Variants in MKLN1 observed in about 807,000 individuals in gnomAD.
MKLN1 encodes muskelin 1, also known as muskelin.
Under a neutral mutation model 99.0 loss-of-function variants are expected in MKLN1, and 18 were observed. The observed-to-expected ratio is 0.18, with a 90% CI of 0.13 to 0.27. The LOEUF is 0.27. Ranked by LOEUF, MKLN1 falls within the 10% of genes least tolerant of loss-of-function variation. MKLN1 has a pLI of 1.00. For missense variants in MKLN1, 621 were observed against 875.9 expected (o/e 0.71, Z 3.67); for synonymous variants, 288 against 293.2 (o/e 0.98, Z 0.18).
chr7:131,463,973 A>G (rs374807118), intron 13 of MKLN1, among the ~76,000 whole-genome samples: 23 of 152,354 alleles, frequency 1.5e-4, no homozygotes, highest in East Asian at 9.6e-4. Flanking sequence ...AATGACAGCA[A>G]TGTATACTGT....
chr7:131,158,206 G>A (rs1212799519), intron 2 of MKLN1, among the ~76,000 whole-genome samples: 4 of 152,212 alleles, frequency 2.6e-5, no homozygotes, highest in African/African-American at 4.8e-5. Flanking sequence ...TGGGGAGGCT[G>A]AGGCAGGCGG....
At chr7:131,267,135 C>T (rs1449971314) in intron 3 of MKLN1, among the ~76,000 whole-genome samples, 1 of 151,900 alleles carries the variant, frequency 6.6e-6, no homozygotes, top group Non-Finnish European at 1.5e-5. Context: ...GAGTTTGAGA[C>T]CAGCTTGGCC....
chr7:131,153,498 T>G (rs570007982), intron 2 of MKLN1, among the ~76,000 whole-genome samples: 24 of 152,108 alleles, frequency 1.6e-4, no homozygotes, highest in Non-Finnish European at 2.8e-4. Context: ...ATTTAAGATG[T>G]GAATATATAT....
chr7:131,485,865 A>G (rs190888629), intron 17 of MKLN1, among the ~76,000 whole-genome samples: 3 of 152,088 alleles, frequency 2.0e-5, no homozygotes, highest in Non-Finnish European at 2.9e-5. Flanking sequence ...GTGATCTTGG[A>G]TTGGATTTTA....
chr7:131,453,931 T>C (rs149178396), intron 12 of MKLN1, among the ~76,000 whole-genome samples: 4 of 152,238 alleles, frequency 2.6e-5, no homozygotes, highest in African/African-American at 9.6e-5. Flanking sequence ...CCAGTAAATT[T>C]ACACATGTAC....
chr7:131,192,259 AC>A (rs1331085805), intron 2 of MKLN1, among the ~76,000 whole-genome samples: 2,040 of 95,022 alleles, frequency 0.021, 12 homozygotes, highest in Admixed American at 0.028. Flanking sequence ...TATAATATAT[AC>A]AATATATAAA....
intron 1 of MKLN1, among the ~76,000 whole-genome samples, chr7:131,344,291 T>G (rs1799491119): frequency 6.6e-6 from 1 of 152,196 alleles, no homozygotes; most frequent in South Asian, 2.1e-4. Context: ...ATTGTTGTGT[T>G]TGTGTGAATT....
chr7:131,151,954 C>A (rs964107614), intron 2 of MKLN1, among the ~76,000 whole-genome samples: 1 of 152,010 alleles, frequency 6.6e-6, no homozygotes, highest in Non-Finnish European at 1.5e-5. Context: ...CATGTCTAGC[C>A]CATCAATATC....
At position 131,411,391 on chromosome 7, in the gene MKLN1, A is replaced by G. The variant is rs1232727549; in HGVS notation, c.781+8A>G. The G allele has an allele frequency of 2.5e-6, 4 of 1,570,610 alleles. No individual in the cohort carries two copies. The highest frequency in any genetic ancestry group is 1.3e-5 in the African/African-American group (1 of 74,150). On this transcript the variant is annotated splice_region_variant and intron_variant, in intron 7 of 17. Coordinates refer to ENST00000352689, the MANE Select transcript of MKLN1 (RefSeq NM_013255.5). ...TTCCCAAAAGTACCAAAGGTAAGCC[A>G]TACCTTCTAGATTGTAGTTCTTTTT... is the stretch of plus-strand genomic sequence containing the variant.
intron 3 of MKLN1, among the ~76,000 whole-genome samples, chr7:131,231,763 A>G (rs1450760047): frequency 1.3e-5 from 2 of 152,218 alleles, no homozygotes; most frequent in African/African-American, 4.8e-5. Context: ...AACCTCAGAC[A>G]AGCTGAAAGA....
intron 1 of MKLN1, among the ~76,000 whole-genome samples, chr7:131,332,460 A>G (rs1799106501): frequency 6.7e-6 from 1 of 148,634 alleles, no homozygotes; most frequent in Non-Finnish European, 1.5e-5. Context: ...TATCATATAT[A>G]TTAAAATATA....
chr7:131,316,267 A>C (rs1318875788), intron 3 of MKLN1, among the ~76,000 whole-genome samples: 1 of 152,204 alleles, frequency 6.6e-6, no homozygotes, highest in East Asian at 1.9e-4. Flanking sequence ...GCAGGCAGCA[A>C]TCTTTGCTGT....
chr7:131,138,683 ATTGAC>A (rs1795687165), intron 1 of MKLN1, among the ~76,000 whole-genome samples: 1 of 150,882 alleles, frequency 6.6e-6, no homozygotes, highest in Non-Finnish European at 1.5e-5. Flanking sequence ...GTAAGTGACT[ATTGAC>A]TTGAGTGAAA....
intron 2 of MKLN1, among the ~76,000 whole-genome samples, chr7:131,379,558 A>G (rs1220921284): frequency 6.6e-6 from 1 of 152,230 alleles, no homozygotes; most frequent in African/African-American, 2.4e-5. Context: ...ATGAAATAGA[A>G]GTCAAATTTT....
intron 9 of MKLN1, among the ~76,000 whole-genome samples, chr7:131,431,579 G>A (rs917267583): frequency 1.6e-4 from 24 of 152,130 alleles, no homozygotes; most frequent in African/African-American, 5.8e-4. Context: ...CTGCAAAGGG[G>A]ATGAAGTAGA....
intron 15 of MKLN1, among the ~76,000 whole-genome samples, chr7:131,467,311 C>T (rs1333003174): frequency 4.6e-5 from 7 of 152,010 alleles, no homozygotes; most frequent in Admixed American, 3.9e-4. Context: ...CTCAAGTGTC[C>T]GTTCTTAAGA....
At chr7:131,185,485 G>T (rs982214067) in intron 2 of MKLN1, among the ~76,000 whole-genome samples, 1 of 151,972 alleles carries the variant, frequency 6.6e-6, no homozygotes, top group African/African-American at 2.4e-5. Context: ...TACTCGGGAG[G>T]CTGAGGCTGG....
intron 1 of MKLN1, among the ~76,000 whole-genome samples, chr7:131,328,979 A>G (rs1798982555): frequency 6.6e-6 from 1 of 152,178 alleles, no homozygotes; most frequent in Non-Finnish European, 1.5e-5. Context: ...AAGGGTTAAG[A>G]TCTGTGCAGA....
chr7:131,262,070 T>G (rs1391696683), intron 3 of MKLN1, among the ~76,000 whole-genome samples: 1 of 152,140 alleles, frequency 6.6e-6, no homozygotes, highest in African/African-American at 2.4e-5. Context: ...TGAAATAATT[T>G]GTACAACAAA....
Sources: allele counts gnomAD v4.1 joint callset (sites outside exome capture counted in the v4.1 genomes callset), GRCh38; gene constraint gnomAD v4.1.1; transcripts MANE v1.5; gene names NCBI Gene and HGNC (gene_info 2026-07-23, HGNC 2026-07-21).